RAN: variants seen among roughly 807,000 people sequenced by gnomAD.
The protein encoded by RAN is RAN, member RAS oncogene family, also known as GTP-binding nuclear protein Ran.
RAN carries 2 observed loss-of-function variants against 26.8 expected under a neutral mutation model. The observed-to-expected ratio is 0.07, with a 90% CI of 0.03 to 0.23. The LOEUF is 0.23. RAN is among the 10% of genes least tolerant of loss of function. The pLI is 1.00. For missense variants in RAN, 56 were observed against 264.8 expected (o/e 0.21, Z 5.47); for synonymous variants, 132 against 95.9 (o/e 1.38, Z -2.20).
rs977166811 is a variant in RAN, at chr12:130,877,347, T to A, written c.*1421T>A. On this transcript the variant is annotated 3_prime_UTR_variant, in exon 7 of 7. Transcript: ENST00000543796. ...GCTGAATAAAGTTCTACTTACTGTA[T>A]TAACTGGCAACAGTTGAGTTTCTTA... The A allele has an allele frequency of 1.3e-5, 2 of 152,262 alleles. No individual in the cohort carries two copies. The highest frequency in any genetic ancestry group is 2.9e-5 in the Non-Finnish European group (2 of 68,056). The allele number at this position is 152,262 out of a possible 1,614,324, so 9.4% of individuals were successfully genotyped here. A position where few individuals can be genotyped will look rare whatever the true frequency, so the allele number is the denominator to read the frequency against.
At position 130,872,756 on chromosome 12, in the gene RAN, TG is replaced by T. The variant is rs1953163328; in HGVS notation, c.37-78del. 3.8e-6 allele frequency: 6 copies of T among 1,582,722 alleles called. No homozygotes were observed. The African/African-American group carries it at 6.7e-5, about 18-fold the overall frequency. On this transcript the variant is annotated intron_variant, in intron 2 of 6. Coordinates refer to ENST00000543796, the MANE Select transcript of RAN (RefSeq NM_006325.5). ...ACATTCTTTGTTTTAAGTGAGCCTGTGGTGGTTAAAGTTCCGTGACTCTGGG... is the reference window on the plus strand; with the variant it reads ...ACATTCTTTGTTTTAAGTGAGCCTGTGTGGTTAAAGTTCCGTGACTCTGGG...
chr12:130,876,075 T>C lies in RAN; in HGVS notation c.*149T>C. The C allele has an allele frequency of 2.5e-6, 2 of 792,946 alleles. No individual in the cohort carries two copies. Among genetic ancestry groups the C allele is most frequent in the Non-Finnish European group, 4.0e-6 (2 of 494,142 alleles). 49.1% of individuals were successfully genotyped at this position (792,946 alleles called of 1,614,324 possible). A position where few individuals can be genotyped will look rare whatever the true frequency, so the allele number is the denominator to read the frequency against. On this transcript the variant is annotated 3_prime_UTR_variant, in exon 7 of 7. Coordinates refer to ENST00000543796, the MANE Select transcript of RAN (RefSeq NM_006325.5). The stretch of plus-strand genomic sequence containing the variant: ...GGGATGCTGAAGGAGATGAGTGGGC[T>C]TCGGAGTGAATGTGGCAGTTTAAAA...
chr12:130,874,836 T>TC, intron 5 of RAN, 103 bp downstream of exon 5: 2 of 1,055,596 alleles, frequency 1.9e-6, no homozygotes, highest in Middle Eastern at 5.6e-4. Flanking sequence ...GATTTTTTTT[T>TC]CCCCAAGACG....
chr12:130,873,240 AAAAG>A lies in RAN; in HGVS notation c.247+114_247+117del, dbSNP rs1255221034. ...CAAATAGTGTCATTTTTGGGTTAAA[AAAAG>A]ACAAGTGGACTTCGGGGAGTTGACC... On this transcript the variant is annotated intron_variant, in intron 4 of 6. Coordinates refer to ENST00000543796, the MANE Select transcript of RAN (RefSeq NM_006325.5). The A allele has an allele frequency of 6.4e-5, 93 of 1,451,246 alleles. 1 individual carries two copies. The highest frequency in any genetic ancestry group is 4.4e-5 in the Admixed American group (2 of 45,948). 89.9% of individuals were successfully genotyped at this position (1,451,246 alleles called of 1,614,324 possible). A position where few individuals can be genotyped will look rare whatever the true frequency, so the allele number is the denominator to read the frequency against.
At chr12:130,875,586 A>T in intron 5 of RAN, 26 bp from the exon 6 acceptor site, 2 of 1,523,482 alleles carry the variant, frequency 1.3e-6, no homozygotes, top group South Asian at 2.5e-5. Context: ...AATTTTAAAA[A>T]GTAATTTTAC....
chr12:130,873,991 G>T, intron 4 of RAN: 3 of 386,290 alleles, frequency 7.8e-6, no homozygotes, highest in South Asian at 3.6e-5. Flanking sequence ...TGGACTATAG[G>T]CACGTGCCAC....
chr12:130,875,557 A>T, intron 5 of RAN, 55 bp from the exon 6 acceptor site: 1 of 1,434,318 alleles, frequency 7.0e-7, no homozygotes, highest in Admixed American at 2.3e-5. Flanking sequence ...GTCCTAGAAA[A>T]ATCGTCATCT....
intron 4 of RAN, chr12:130,873,479 A>G (rs927744159): frequency 7.7e-6 from 2 of 260,278 alleles, no homozygotes; most frequent in Non-Finnish European, 1.5e-5. Flanking sequence ...TTTTTACTGT[A>G]TTAGAAAACA....
Position 130,873,736 on chromosome 12 carries a change from C to T in RAN, c.247+608C>T, listed in dbSNP as rs140687724. The stretch of plus-strand genomic sequence containing the variant: ...GGAATCATTCCATGCCTTTTGCTTT[C>T]CTTGAGCATGTACAAATAAACACAA... On this transcript the variant is annotated intron_variant, in intron 4 of 6. Coordinates refer to ENST00000543796, the MANE Select transcript of RAN (RefSeq NM_006325.5). 3.9e-3 allele frequency: 617 copies of T among 158,044 alleles called. 6 individuals are homozygous for T. The highest frequency in any genetic ancestry group is 0.014 in the African/African-American group (588 of 41,592). The allele number at this position is 158,044 out of a possible 1,614,324, so 9.8% of individuals were successfully genotyped here. A position where few individuals can be genotyped will look rare whatever the true frequency, so the allele number is the denominator to read the frequency against.
intron 5 of RAN, 145 bp downstream of exon 5, chr12:130,874,878 A>G (rs1279876005): frequency 2.7e-6 from 2 of 736,026 alleles, no homozygotes; most frequent in Non-Finnish European, 2.1e-6. Flanking sequence ...GCTGGAGTGC[A>G]GTGTCGCAAT....
rs1953203382 is a variant in RAN at position 130,874,571 on chromosome 12, T to C, written c.273T>C (p.Asp91=). Residue 91 remains aspartate (D), a synonymous_variant, in exon 5 of 7, where the codon GAT becomes GAC. Coordinates refer to ENST00000543796, the MANE Select transcript of RAN (RefSeq NM_006325.5). ...CCCAGTGTGCCATCATAATGTTTGA[T>C]GTAACATCGAGAGTTACTTACAAGA... The part of the protein sequence containing the change: ...IQAQCAIIMF[D]VTSRVTYKNV... The C allele has an allele frequency of 6.3e-7, 1 of 1,596,554 alleles. No homozygotes were observed.
chr12:130,876,999 C>G lies in RAN; in HGVS notation c.*1073C>G, dbSNP rs974721323. ...ACATGGATGAAATACTAGGAATATGCACAGTGGGGCAGTGTGGGGGCTTCT... is the reference window on the plus strand; with the variant it reads ...ACATGGATGAAATACTAGGAATATGGACAGTGGGGCAGTGTGGGGGCTTCT... On this transcript the variant is annotated 3_prime_UTR_variant, in exon 7 of 7. Transcript: ENST00000543796. 3.3e-5 allele frequency: 5 copies of G among 151,632 alleles called. No homozygotes were observed. Among genetic ancestry groups the G allele is most frequent in the African/African-American group, 1.2e-4 (5 of 41,274 alleles). The allele number at this position is 151,632 out of a possible 1,614,324, so 9.4% of individuals were successfully genotyped here. A position where few individuals can be genotyped will look rare whatever the true frequency, so the allele number is the denominator to read the frequency against.
intron 2 of RAN, 75 bp from the exon 3 acceptor site, chr12:130,872,761 G>T (rs1432762074): frequency 6.3e-7 from 1 of 1,591,234 alleles, no homozygotes; most frequent in Non-Finnish European, 8.6e-7. Flanking sequence ...GCCTGTGGTG[G>T]TTAAAGTTCC....
intron 5 of RAN, among the ~76,000 whole-genome samples, 169 bp downstream of exon 5, chr12:130,874,902 G>A (rs1041231181): frequency 2.6e-5 from 4 of 151,890 alleles, no homozygotes; most frequent in East Asian, 1.9e-4. Context: ...GGCTCACTGC[G>A]ACCTCCGCCT....
chr12:130,875,460 T>C, intron 5 of RAN, 152 bp from the exon 6 acceptor site: 1 of 714,472 alleles, frequency 1.4e-6, no homozygotes, highest in South Asian at 2.0e-5. Context: ...CCTCAGGCAA[T>C]CCCACCTCAG....
At position 130,872,638 on chromosome 12, in the gene RAN, C is replaced by A; in HGVS notation, c.36+9C>A. On this transcript the variant is annotated intron_variant, in intron 2 of 6. Transcript: ENST00000543796. The stretch of plus-strand genomic sequence containing the variant: ...CCCAGGTCCAGTTCAAAGTAGGTAA[C>A]CCTGCGGGGCGGGAGGCGGCCGAGC... The A allele has an allele frequency of 1.0e-5, 16 of 1,525,004 alleles. No homozygotes were observed. Among genetic ancestry groups the A allele is most frequent in the Non-Finnish European group, 1.4e-5 (16 of 1,139,684 alleles). 94.5% of individuals were successfully genotyped at this position (1,525,004 alleles called of 1,614,324 possible).
At chr12:130,874,019 T>G in intron 4 of RAN, 1 of 385,254 alleles carries the variant, frequency 2.6e-6, no homozygotes, top group Middle Eastern at 6.9e-4. Context: ...GACTAATTTT[T>G]GTATTTTTTT....
chr12:130,873,182 CT>C, intron 4 of RAN, 54 bp downstream of exon 4: 1 of 1,608,160 alleles, frequency 6.2e-7, no homozygotes, highest in Non-Finnish European at 8.5e-7. Context: ...GTACTTCAGT[CT>C]TCAAGGTTAT....
At position 130,872,569 on chromosome 12, in the gene RAN, C is replaced by T; in HGVS notation, c.-10-15C>T. ...GGGCCGCGCGAGCGCTCGCCTCCGT[C>T]CTCTGCCTCCGCAGGAACGCCGCGA... is the stretch of plus-strand genomic sequence containing the variant. On this transcript the variant is annotated splice_polypyrimidine_tract_variant and intron_variant, in intron 1 of 6. Transcript: ENST00000543796. 2 of 1,499,184 alleles carry T rather than the reference C, an allele frequency of 1.3e-6. No homozygotes were observed. The highest frequency in any genetic ancestry group is 1.8e-6 in the Non-Finnish European group (2 of 1,129,660). The allele number at this position is 1,499,184 out of a possible 1,614,324, so 92.9% of individuals were successfully genotyped here.
Sources: gnomAD v4.1 joint callset for allele counts (sites outside exome capture counted in the v4.1 genomes callset) on GRCh38, gnomAD v4.1.1 for gene constraint, MANE v1.5 for transcripts, NCBI Gene and HGNC (gene_info 2026-07-23, HGNC 2026-07-21) for gene names.